Variants in KIAA1217 observed in about 807,000 individuals in gnomAD.
The protein encoded by KIAA1217 is sickle tail protein homolog.
KIAA1217 carries 88 observed loss-of-function variants against 163.9 expected under a neutral mutation model. That is an observed-to-expected ratio of 0.54 (90% CI 0.45 to 0.64). The LOEUF (loss-of-function observed/expected upper bound fraction) is 0.64, where lower values mean the gene tolerates loss of function less well. Ranked by LOEUF, KIAA1217 falls within the 30% of genes least tolerant of loss-of-function variation. The pLI is 0.00. For synonymous variants in KIAA1217, 903 were observed against 923.1 expected (o/e 0.98, Z 0.39); for missense variants, 2,372 against 2,475.0 (o/e 0.96, Z 0.88).
At chr10:24,398,679 C>T (rs970469974) in intron 3 of KIAA1217, among the ~76,000 whole-genome samples, 1 of 152,066 alleles carries the variant, frequency 6.6e-6, no homozygotes, top group African/African-American at 2.4e-5. Flanking sequence ...ATGATTCTTT[C>T]CTCTGGATGG....
chr10:24,305,440 G>A (rs1037525303), intron 2 of KIAA1217, among the ~76,000 whole-genome samples: 3 of 152,290 alleles, frequency 2.0e-5, no homozygotes, highest in East Asian at 3.9e-4. Flanking sequence ...ATTAGCAGGC[G>A]TCCGAGGGTG....
At chr10:23,750,021 T>G (rs1170332774) in intron 1 of KIAA1217, among the ~76,000 whole-genome samples, 1 of 152,262 alleles carries the variant, frequency 6.6e-6, no homozygotes, top group East Asian at 1.9e-4. Context: ...TTTTCTTTTC[T>G]TTTTTTGACC....
At chr10:24,076,353 C>CT (rs1241628468) in intron 2 of KIAA1217, among the ~76,000 whole-genome samples, 1 of 152,120 alleles carries the variant, frequency 6.6e-6, no homozygotes, top group Non-Finnish European at 1.5e-5. Context: ...GGCAGTGTGG[C>CT]TTTTTTGGGA....
intron 2 of KIAA1217, among the ~76,000 whole-genome samples, chr10:24,052,945 G>A (rs1373421551): frequency 1.3e-5 from 2 of 152,066 alleles, no homozygotes; most frequent in Non-Finnish European, 1.5e-5. Context: ...CATATGGGTA[G>A]GAGAGGCATC....
rs71506838 is a variant in KIAA1217, at chr10:24,534,881, CAAA to C, written c.3414+1664_3414+1666del. On this transcript the variant is annotated intron_variant, in intron 16 of 20. Transcript: ENST00000376454. ...GGGTGACAAGAGTGAAACTCTGTCT[CAAA>C]AAAAAAAAAAAAAAAAAAAGCGTGG... 1.1e-4 allele frequency among the ~76,000 whole-genome samples: 8 copies of C among 71,838 alleles called. No individual in the cohort carries two copies. The South Asian group carries it at 3.3e-3, about 30-fold the overall frequency. The allele number at this position is 71,838 out of a possible 152,430, so 47.1% of individuals were successfully genotyped here.
At chr10:23,860,388 T>C (rs1472506601) in intron 1 of KIAA1217, among the ~76,000 whole-genome samples, 1 of 152,180 alleles carries the variant, frequency 6.6e-6, no homozygotes, top group Non-Finnish European at 1.5e-5. Flanking sequence ...TTTGGTCTTC[T>C]GTGTAGTATG....
At chr10:24,214,419 G>C (rs2068552938) in intron 1 of KIAA1217, among the ~76,000 whole-genome samples, 1 of 152,116 alleles carries the variant, frequency 6.6e-6, no homozygotes, top group South Asian at 2.1e-4. Flanking sequence ...GGCGTTGGAG[G>C]GTTCTGCTGG....
intron 1 of KIAA1217, among the ~76,000 whole-genome samples, chr10:23,964,815 A>G (rs1197282504): frequency 2.0e-5 from 3 of 152,104 alleles, no homozygotes; most frequent in African/African-American, 7.2e-5. Flanking sequence ...TCAGCCTCCC[A>G]AAGTGCTGGG....
intron 1 of KIAA1217, among the ~76,000 whole-genome samples, chr10:23,956,820 A>G (rs1356772230): frequency 6.6e-6 from 1 of 152,180 alleles, no homozygotes; most frequent in Non-Finnish European, 1.5e-5. Context: ...CAGCTCTCCC[A>G]TGAACTCAGA....
At chr10:23,846,448 C>T (rs1367925161) in intron 1 of KIAA1217, among the ~76,000 whole-genome samples, 2 of 151,996 alleles carry the variant, frequency 1.3e-5, no homozygotes, top group African/African-American at 2.4e-5. Context: ...GGTCCTTCAC[C>T]TCCCTTGTAA....
intron 1 of KIAA1217, among the ~76,000 whole-genome samples, chr10:23,703,102 T>C (rs1836593337): frequency 6.6e-6 from 1 of 152,120 alleles, no homozygotes; most frequent in Non-Finnish European, 1.5e-5. Context: ...CTCCATGCCC[T>C]GGTTAATGCC....
At chr10:23,903,003 A>G (rs1043072770) in intron 1 of KIAA1217, among the ~76,000 whole-genome samples, 4 of 152,202 alleles carry the variant, frequency 2.6e-5, no homozygotes, top group East Asian at 1.9e-4. Context: ...AATGGGAGCC[A>G]ATTTCAGTGA....
chr10:24,285,402 A>G (rs2078439374), intron 2 of KIAA1217, among the ~76,000 whole-genome samples: 1 of 152,116 alleles, frequency 6.6e-6, no homozygotes, highest in Admixed American at 6.5e-5. Flanking sequence ...TAATTTTTGT[A>G]TATGGTGATA....
chr10:23,816,247 G>A (rs541676416), intron 1 of KIAA1217, among the ~76,000 whole-genome samples: 14 of 152,134 alleles, frequency 9.2e-5, no homozygotes, highest in African/African-American at 2.9e-4. Flanking sequence ...TGATCCTTAG[G>A]GGAAGTAGTT....
intron 2 of KIAA1217, among the ~76,000 whole-genome samples, chr10:24,360,693 G>A (rs1170146926): frequency 2.0e-5 from 3 of 152,114 alleles, no homozygotes; most frequent in Non-Finnish European, 2.9e-5. Context: ...TATCATACTC[G>A]CTAGGTTCAG....
At chr10:24,079,446 T>C (rs115801552) in intron 2 of KIAA1217, among the ~76,000 whole-genome samples, 423 of 152,250 alleles carry the variant, frequency 2.8e-3, no homozygotes, top group African/African-American at 9.8e-3. Context: ...ATAAGCAGAA[T>C]GAAAGTCTCC....
chr10:24,524,439 C>A lies in KIAA1217; in HGVS notation c.2573C>A (p.Thr858Asn). The A allele has an allele frequency of 6.2e-7, 1 of 1,614,226 alleles. No homozygotes were observed. The highest frequency in any genetic ancestry group is 1.1e-5 in the South Asian group (1 of 91,088). ...AAGAGTCAGGAGGAGGCAGCCCACA[C>A]CTCCGGCCAGCCCTTCCACAGCACA... ...VLKSQEEAAH[T>N]SGQPFHSTGA... Residue 858 changes from threonine to asparagine, a missense_variant, in exon 13 of 21, where the codon ACC (threonine) becomes AAC (asparagine). By Grantham distance (65) the Thr-to-Asn change is moderately conservative (BLOSUM62 0). This residue lies in a region of KIAA1217 where 1,431 missense variants were observed against 1,470.3 expected (regional missense o/e 0.97). Transcript: ENST00000376454.
At chr10:24,226,438 A>T (rs1041186230) in intron 2 of KIAA1217, among the ~76,000 whole-genome samples, 2 of 151,952 alleles carry the variant, frequency 1.3e-5, no homozygotes, top group Non-Finnish European at 2.9e-5. Flanking sequence ...CATCCTGGCT[A>T]ACACGGTGAA....
chr10:24,068,166 G>T (rs1337436051), intron 2 of KIAA1217, among the ~76,000 whole-genome samples: 7 of 152,110 alleles, frequency 4.6e-5, no homozygotes, highest in Admixed American at 2.6e-4. Context: ...CCACTGTCCG[G>T]CACTCCCCTG....
Sources: allele counts gnomAD v4.1 joint callset (sites outside exome capture counted in the v4.1 genomes callset), GRCh38; gene constraint gnomAD v4.1.1; regional missense constraint gnomAD v4.1.1; transcripts MANE v1.5; gene names NCBI Gene and HGNC (gene_info 2026-07-23, HGNC 2026-07-21).